CR1L: variants seen among roughly 807,000 people sequenced by gnomAD.
CR1L encodes the protein complement component receptor 1-like protein.
A neutral mutation model predicts 62.3 loss-of-function variants in CR1L; 59 were observed. The observed-to-expected ratio is 0.95, with a 90% confidence interval of 0.77 to 1.18. The LOEUF is 1.18. CR1L is among the 50% of genes most tolerant of loss of function. The pLI is 0.00. For synonymous variants in CR1L, 279 were observed against 248.7 expected (o/e 1.12, Z -1.15); for missense variants, 700 against 702.8 (o/e 1.00, Z 0.04).
intron 1 of CR1L, among the ~76,000 whole-genome samples, chr1:207,656,797 C>A (rs1468011467): frequency 6.6e-6 from 1 of 152,168 alleles, no homozygotes; most frequent in Non-Finnish European, 1.5e-5. Flanking sequence ...AATCCACCCC[C>A]ATGATTCAGA....
intron 5 of CR1L, 45 bp downstream of exon 5, chr1:207,694,796 T>C (rs1252828500): frequency 1.9e-6 from 3 of 1,611,514 alleles, no homozygotes; most frequent in Admixed American, 3.3e-5. Flanking sequence ...GTGACATGCA[T>C]TGCTGTTGGA....
At chr1:207,701,996 G>T (rs1664200107) in intron 9 of CR1L, among the ~76,000 whole-genome samples, 1 of 152,134 alleles carries the variant, frequency 6.6e-6, no homozygotes, top group Non-Finnish European at 1.5e-5. Context: ...GCTTGCTAGG[G>T]CTGCCATCAA....
At chr1:207,717,340 A>G in intron 10 of CR1L, 124 bp from the exon 11 acceptor site, 1 of 1,106,382 alleles carries the variant, frequency 9.0e-7, no homozygotes, top group South Asian at 1.7e-5. Context: ...AATTCCATCC[A>G]CCTTAGTTAT....
At chr1:207,657,616 G>T (rs368061573) in intron 1 of CR1L, among the ~76,000 whole-genome samples, 1 of 152,126 alleles carries the variant, frequency 6.6e-6, no homozygotes, top group Non-Finnish European at 1.5e-5. Flanking sequence ...ACAAACACTG[G>T]CTTAAAAATA....
intron 1 of CR1L, among the ~76,000 whole-genome samples, chr1:207,660,098 A>T (rs1663386082): frequency 6.6e-6 from 1 of 152,252 alleles, no homozygotes; most frequent in African/African-American, 2.4e-5. Context: ...TGCATGGCAT[A>T]TCTGAACAAA....
intron 1 of CR1L, among the ~76,000 whole-genome samples, chr1:207,660,433 A>G (rs1403899137): frequency 1.3e-5 from 2 of 152,252 alleles, no homozygotes; most frequent in African/African-American, 4.8e-5. Flanking sequence ...CCTGCAGCTG[A>G]GGGACCTGTC....
At chr1:207,720,164 A>T (rs2102485389) in intron 11 of CR1L, among the ~76,000 whole-genome samples, 1 of 152,320 alleles carries the variant, frequency 6.6e-6, no homozygotes, top group East Asian at 1.9e-4. Context: ...GGGCTGAACC[A>T]CATAGGAACT....
In CR1L at chr1:207,652,561, C is replaced by A. The variant is rs1043435184; in HGVS notation, c.97+7231C>A. 14 of 1,541,978 alleles carry A rather than the reference C, an allele frequency of 9.1e-6. No homozygotes were observed. In the Admixed American group the frequency reaches 2.2e-4, roughly 24 times the overall value. On this transcript the variant is annotated intron_variant, in intron 1 of 11. Transcript: ENST00000508064. ...CTTATCCCTAGATGCCTATGAGGAG[C>A]CACCAACATTTGAAGCTATGGAGCT...
chr1:207,686,139 CCTTCCTTCCTT>C (rs1558018830), intron 4 of CR1L, among the ~76,000 whole-genome samples: 5 of 48,626 alleles, frequency 1.0e-4, no homozygotes, highest in Non-Finnish European at 1.8e-4. Context: ...TCCCTCCCTT[CCTTCCTTCCTT>C]CCTTCCTTCC....
intron 1 of CR1L, among the ~76,000 whole-genome samples, chr1:207,674,264 T>C (rs1038134168): frequency 6.6e-6 from 1 of 152,230 alleles, no homozygotes; most frequent in African/African-American, 2.4e-5. Context: ...ATGTTCATTG[T>C]CTTCATTTGG....
chr1:207,655,531 G>T (rs1458366481), intron 1 of CR1L, among the ~76,000 whole-genome samples: 1 of 152,112 alleles, frequency 6.6e-6, no homozygotes, highest in African/African-American at 2.4e-5. Context: ...GGAGCACAGT[G>T]GCACAATCTC....
chr1:207,664,567 T>C (rs1432779773), intron 1 of CR1L, among the ~76,000 whole-genome samples: 1 of 152,172 alleles, frequency 6.6e-6, no homozygotes, highest in Non-Finnish European at 1.5e-5. Flanking sequence ...CAATAAGGTA[T>C]CCAGGCTTAC....
At chr1:207,700,049 A>G (rs1664167801) in intron 8 of CR1L, among the ~76,000 whole-genome samples, 1 of 151,528 alleles carries the variant, frequency 6.6e-6, no homozygotes, top group African/African-American at 2.4e-5. Flanking sequence ...AATGAGCCTC[A>G]TATGTTCAAT....
Position 207,669,592 on chromosome 1 carries a change from C to T in CR1L, c.98-7797C>T. Reference sequence around the variant, plus strand: ...TGAAACGCTGGGGGGCGTGGGGAGGCGCCCGGGCTGACGAGGCACCCAGGG... The same window carrying T: ...TGAAACGCTGGGGGGCGTGGGGAGGTGCCCGGGCTGACGAGGCACCCAGGG... On this transcript the variant is annotated intron_variant, in intron 1 of 11. Coordinates refer to ENST00000508064, the MANE Select transcript of CR1L (RefSeq NM_175710.2). 3.6e-6 allele frequency: 5 copies of T among 1,386,744 alleles called. No individual in the cohort carries two copies. In the South Asian group the frequency reaches 3.6e-5, roughly 10 times the overall value. 85.9% of individuals were successfully genotyped at this position (1,386,744 alleles called of 1,614,324 possible).
chr1:207,645,341 G>A lies in CR1L; in HGVS notation c.97+11G>A. The A allele has an allele frequency of 5.6e-6, 9 of 1,613,634 alleles. No homozygotes were observed. The highest frequency in any genetic ancestry group is 7.6e-6 in the Non-Finnish European group (9 of 1,179,634). Reference sequence around the variant, plus strand: ...TGTCCTCCTTCTCCGGTAGGACCCCGGGGTGGATTCGCGCGTCCGCGGCGA... The same window carrying A: ...TGTCCTCCTTCTCCGGTAGGACCCCAGGGTGGATTCGCGCGTCCGCGGCGA... On this transcript the variant is annotated intron_variant, in intron 1 of 11. Transcript: ENST00000508064.
chr1:207,702,720 A>C (rs1664212322), intron 9 of CR1L, among the ~76,000 whole-genome samples: 1 of 152,250 alleles, frequency 6.6e-6, no homozygotes, highest in Non-Finnish European at 1.5e-5. Context: ...GCTAAAGCCT[A>C]ATCCTGAGCA....
At chr1:207,678,823 A>T (rs185684948) in intron 3 of CR1L, among the ~76,000 whole-genome samples, 1 of 152,106 alleles carries the variant, frequency 6.6e-6, no homozygotes, top group Admixed American at 6.5e-5. Flanking sequence ...TCCCTCCAAA[A>T]CCTGTAGGGA....
rs1663096153 is a variant in CR1L, at chr1:207,645,170, G to A, written c.-64G>A. 6.5e-7 allele frequency: 1 copy of A among 1,541,494 alleles called. No individual in the cohort carries two copies. The highest frequency in any genetic ancestry group is 1.7e-5 in the Admixed American group (1 of 59,638). ...AACCGGACTCAGAAGGGACTTCCCT[G>A]CTCGGCTGGCTTTCGGTTTCTCTGC... On this transcript the variant is annotated 5_prime_UTR_variant, in exon 1 of 12. Coordinates refer to ENST00000508064, the MANE Select transcript of CR1L (RefSeq NM_175710.2).
chr1:207,676,226 A>G (rs1433102562), intron 1 of CR1L, among the ~76,000 whole-genome samples: 1 of 152,142 alleles, frequency 6.6e-6, no homozygotes, highest in Non-Finnish European at 1.5e-5. Context: ...ACTAGCAGAG[A>G]CTTTTTAAAT....
Sources: allele counts gnomAD v4.1 joint callset (sites outside exome capture counted in the v4.1 genomes callset), GRCh38; gene constraint gnomAD v4.1.1; transcripts MANE v1.5; gene names NCBI Gene and HGNC (gene_info 2026-07-23, HGNC 2026-07-21).